CFHR5: variants seen among roughly 807,000 people sequenced by gnomAD.
CFHR5 encodes complement factor H-related protein 5.
CFHR5 carries 73 observed loss-of-function variants against 62.9 expected under a neutral mutation model. That is an observed-to-expected ratio of 1.16 (90% CI 0.96 to 1.41). The LOEUF is 1.41. CFHR5 is among the 40% of genes most tolerant of loss of function. The pLI is 0.00. For missense variants in CFHR5, 779 were observed against 679.9 expected (o/e 1.15, Z -1.62); for synonymous variants, 249 against 227.2 (o/e 1.10, Z -0.86).
intron 3 of CFHR5, among the ~76,000 whole-genome samples, chr1:196,990,981 C>T (rs1028629891): frequency 2.0e-5 from 3 of 152,074 alleles, no homozygotes; most frequent in South Asian, 2.1e-4. Flanking sequence ...ATTCCATTAT[C>T]GCCCTCACTT....
chr1:197,002,469 C>A lies in CFHR5; in HGVS notation c.1148-13C>A. 1 of 1,604,066 alleles carries A rather than the reference C, an allele frequency of 6.2e-7. No individual in the cohort carries two copies. The highest frequency in any genetic ancestry group is 1.1e-5 in the South Asian group (1 of 90,610). On this transcript the variant is annotated splice_polypyrimidine_tract_variant and intron_variant, in intron 7 of 9. Transcript: ENST00000256785. ...TTTTATTAATCATATAATTTAATTC[C>A]AATATTTTGTAGAAAAAAGGGAACA...
chr1:196,996,459 A>G (rs191604834), intron 6 of CFHR5, among the ~76,000 whole-genome samples: 5 of 152,172 alleles, frequency 3.3e-5, no homozygotes, highest in African/African-American at 1.2e-4. Flanking sequence ...AACTTTTATT[A>G]ATGTATATGC....
chr1:196,979,767 G>A (rs1471470279), intron 1 of CFHR5, among the ~76,000 whole-genome samples: 1 of 151,866 alleles, frequency 6.6e-6, no homozygotes, highest in African/African-American at 2.4e-5. Flanking sequence ...GGGAGCAGGT[G>A]GTTTTTGGTT....
intron 9 of CFHR5, among the ~76,000 whole-genome samples, chr1:197,008,092 T>A (rs1218414478): frequency 6.7e-6 from 1 of 150,056 alleles, no homozygotes; most frequent in Non-Finnish European, 1.5e-5. Context: ...TCTACAGAAA[T>A]CAAGGTTTCA....
At chr1:196,994,436 G>C (rs1174373560) in intron 4 of CFHR5, among the ~76,000 whole-genome samples, 180 bp downstream of exon 4, 3 of 152,160 alleles carry the variant, frequency 2.0e-5, no homozygotes, top group Non-Finnish European at 4.4e-5. Context: ...CGTAATCAAG[G>C]AGTAATTCTA....
intron 6 of CFHR5, among the ~76,000 whole-genome samples, chr1:196,996,958 C>T (rs1654007738): frequency 6.6e-6 from 1 of 152,036 alleles, no homozygotes; most frequent in South Asian, 2.1e-4. Context: ...AGCCTTGACA[C>T]TTAAGTACTT....
chr1:197,007,235 ATAGAT>A (rs1048502769), intron 9 of CFHR5, among the ~76,000 whole-genome samples: 1 of 151,962 alleles, frequency 6.6e-6, no homozygotes, highest in Non-Finnish European at 1.5e-5. Context: ...CCTGGCAGAG[ATAGAT>A]TAGAGTCTTG....
chr1:196,992,446 C>T (rs138307921), intron 3 of CFHR5, among the ~76,000 whole-genome samples: 2,312 of 152,214 alleles, frequency 0.015, 27 homozygotes, highest in South Asian at 0.032. Flanking sequence ...CCTCCCTTGG[C>T]TAGGAAAGGA....
chr1:197,004,606 A>G, intron 8 of CFHR5, 55 bp from the exon 9 acceptor site: 1 of 1,324,840 alleles, frequency 7.5e-7, no homozygotes, highest in South Asian at 1.2e-5. Context: ...ATGCTTCATT[A>G]TATTATTTTG....
chr1:196,994,817 T>G (rs1456090223), intron 4 of CFHR5, among the ~76,000 whole-genome samples: 1 of 152,062 alleles, frequency 6.6e-6, no homozygotes. Flanking sequence ...TGGGGAGACC[T>G]CACAATCATG....
At chr1:197,003,581 C>G (rs1159776146) in intron 8 of CFHR5, among the ~76,000 whole-genome samples, 3 of 152,088 alleles carry the variant, frequency 2.0e-5, no homozygotes, top group Non-Finnish European at 4.4e-5. Flanking sequence ...GTGCTTAGAG[C>G]TGGACAAGAT....
In CFHR5 at chr1:197,008,728, T is replaced by C; in HGVS notation, c.*45T>C. On this transcript the variant is annotated 3_prime_UTR_variant, in exon 10 of 10. Transcript: ENST00000256785. ...AATATATTCTTCAAACATCCATCTATGCTAAAAGTAGCCATTATGTAGCCA... is the reference window on the plus strand; with the variant it reads ...AATATATTCTTCAAACATCCATCTACGCTAAAAGTAGCCATTATGTAGCCA... The C allele has an allele frequency of 6.7e-7, 1 of 1,497,442 alleles. No individual in the cohort carries two copies. The highest frequency in any genetic ancestry group is 1.4e-5 in the African/African-American group (1 of 72,578). 92.8% of individuals were successfully genotyped at this position (1,497,442 alleles called of 1,614,324 possible).
intron 7 of CFHR5, among the ~76,000 whole-genome samples, chr1:196,999,852 C>G (rs929907066): frequency 2.1e-5 from 3 of 144,572 alleles, no homozygotes; most frequent in Admixed American, 7.0e-5. Flanking sequence ...ATATGTATAT[C>G]CTAAAAAGCT....
At chr1:196,991,155 C>T (rs550180413) in intron 3 of CFHR5, among the ~76,000 whole-genome samples, 2 of 152,224 alleles carry the variant, frequency 1.3e-5, no homozygotes, top group Admixed American at 6.5e-5. Context: ...ATGATCAAAT[C>T]GGCTATTGAA....
rs1195424791 is a variant in CFHR5 at position 196,995,846 on chromosome 1, C to T, written c.737C>T (p.Pro246Leu). 3 of 1,613,172 alleles carry T rather than the reference C, an allele frequency of 1.9e-6. No homozygotes were observed. The highest frequency in any genetic ancestry group is 2.5e-6 in the Non-Finnish European group (3 of 1,179,344). Reference protein sequence around the residue: ...DCNPNFIINGPKKIQCVDGEW... With the variant: ...DCNPNFIINGLKKIQCVDGEW... ...AATCCTAATTTTATAATAAACGGGC[C>T]TAAGAAAATACAATGTGTGGATGGA... Residue 246 changes from proline (P) to leucine (L), a missense_variant, in exon 5 of 10, where the codon CCT becomes CTT. Coordinates refer to ENST00000256785, the MANE Select transcript of CFHR5 (RefSeq NM_030787.4).
Position 196,994,202 on chromosome 1 carries a change from G to A in CFHR5, c.553G>A (p.Asp185Asn), listed in dbSNP as rs767330423. 1.2e-6 allele frequency: 2 copies of A among 1,613,562 alleles called. No homozygotes were observed. The highest frequency in any genetic ancestry group is 4.5e-5 in the East Asian group (2 of 44,778). ...AAAAAATCTTATAAGAGTTGGATCA[G>A]ACTCAGTTCAATGTTACCAATTTGG... Reference protein sequence around the residue: ...CRKNLIRVGSDSVQCYQFGWS... With the variant: ...CRKNLIRVGSNSVQCYQFGWS... Residue 185 changes from aspartate (D) to asparagine (N), a missense_variant, in exon 4 of 10, where the codon GAC becomes AAC. Physicochemically the swap from Asp to Asn is conservative, Grantham distance 23. Transcript: ENST00000256785.
At position 196,984,038 on chromosome 1, in the gene CFHR5, C is replaced by T. The variant is rs1653615913; in HGVS notation, c.331C>T (p.Gln111Ter). 1 of 1,612,780 alleles carries T rather than the reference C, an allele frequency of 6.2e-7. No individual in the cohort carries two copies. The highest frequency in any genetic ancestry group is 8.5e-7 in the Non-Finnish European group (1 of 1,179,038). Reference protein sequence around the residue: ...GLIHLEGDTVQIICNTGYSLQ... With the variant: ...GLIHLEGDTV ...AATACATCTGGAAGGTGATACTGTA[C>T]AAATTATTTGCAACACAGGATACAG... The change falls in exon 3 of 10, where the codon CAA (glutamine) becomes TAA (stop). Residue 111 changes from glutamine (Q) to a stop codon, truncating the protein, a stop_gained. Coordinates refer to ENST00000256785, the MANE Select transcript of CFHR5 (RefSeq NM_030787.4). LOFTEE classifies it high-confidence loss of function.
chr1:196,996,991 C>A (rs1654009309), intron 6 of CFHR5, among the ~76,000 whole-genome samples: 1 of 151,910 alleles, frequency 6.6e-6, no homozygotes, highest in African/African-American at 2.4e-5. Context: ...TTTCCCGACA[C>A]CCTCAGATCC....
chr1:196,992,374 C>G (rs1446944064), intron 3 of CFHR5, among the ~76,000 whole-genome samples: 1 of 152,066 alleles, frequency 6.6e-6, no homozygotes, highest in Non-Finnish European at 1.5e-5. Flanking sequence ...TTTCTAAGAC[C>G]ACTGGAAAAG....
Sources: gnomAD v4.1 joint callset for allele counts (sites outside exome capture counted in the v4.1 genomes callset) on GRCh38, gnomAD v4.1.1 for gene constraint, MANE v1.5 for transcripts, NCBI Gene and HGNC (gene_info 2026-07-23, HGNC 2026-07-21) for gene names.